The following ZNF569 variants were observed in gnomAD, a reference collection of about 807,000 sequenced individuals.
ZNF569 encodes the protein DNA-binding protein.
ZNF569 carries 38 observed loss-of-function variants against 56.3 expected under a neutral mutation model. The observed-to-expected ratio is 0.68, with a 90% CI of 0.52 to 0.88. The LOEUF (loss-of-function observed/expected upper bound fraction) is 0.88, where lower values mean the gene tolerates loss of function less well. Ranked by LOEUF, ZNF569 falls within the 40% of genes least tolerant of loss-of-function variation. ZNF569 has a pLI of 0.00. For synonymous variants in ZNF569, 241 were observed against 262.9 expected (o/e 0.92, Z 0.81); for missense variants, 666 against 809.2 (o/e 0.82, Z 2.15).
At chr19:37,437,015 C>CAAAAAAAAAAAA (rs368735580) in intron 3 of ZNF569, among the ~76,000 whole-genome samples, 3 of 100,156 alleles carry the variant, frequency 3.0e-5, no homozygotes, top group Non-Finnish European at 4.4e-5. Context: ...CAAGACACAT[C>CAAAAAAAAAAAA]AAAAAAAAAA....
At chr19:37,444,577 T>C (rs1433228599) in intron 3 of ZNF569, among the ~76,000 whole-genome samples, 3 of 152,218 alleles carry the variant, frequency 2.0e-5, no homozygotes, top group Non-Finnish European at 4.4e-5. Context: ...AATGTTTTCA[T>C]TGACCTAGGT....
intron 3 of ZNF569, among the ~76,000 whole-genome samples, chr19:37,434,831 C>G (rs915041474): frequency 1.3e-5 from 2 of 152,184 alleles, no homozygotes; most frequent in Non-Finnish European, 2.9e-5. Context: ...AAATCCACCC[C>G]CTGCCCGCAA....
intron 2 of ZNF569, among the ~76,000 whole-genome samples, chr19:37,457,580 C>T (rs759234062): frequency 5.9e-5 from 9 of 151,672 alleles, no homozygotes; most frequent in Non-Finnish European, 1.2e-4. Context: ...AGCAAACTAT[C>T]GCAAGGACAG....
At chr19:37,464,255 T>C (rs962501153) in intron 2 of ZNF569, among the ~76,000 whole-genome samples, 8 of 152,148 alleles carry the variant, frequency 5.3e-5, no homozygotes, top group African/African-American at 1.9e-4. Flanking sequence ...AGTGGCGCAA[T>C]CTCAGCTCAA....
At chr19:37,469,075 C>G (rs538469933), upstream of ZNF569, 203 of 1,018,402 alleles carry the variant, frequency 2.0e-4, no homozygotes, top group Non-Finnish European at 2.3e-4. Context: ...TCCACACCAG[C>G]CCGTGTAGTG....
chr19:37,469,257 C>A, upstream of ZNF569: 1 of 1,393,574 alleles, frequency 7.2e-7, no homozygotes, highest in Non-Finnish European at 9.3e-7. Flanking sequence ...CACTGCGACG[C>A]CGCGACCTTT....
In ZNF569 at chr19:37,413,183, T is replaced by C; in HGVS notation, c.1475A>G (p.Lys492Arg). ...IAHEKIHSGE[K>R]PYECNECGKA... is the part of the protein sequence containing the mutation. ...ACCACATTCATTGCATTCATAGGGTTTCTCTCCAGAATGAATTTTTTCATG... is the reference window on the plus strand; with the variant it reads ...ACCACATTCATTGCATTCATAGGGTCTCTCTCCAGAATGAATTTTTTCATG... The change falls in exon 6 of 6, where the codon AAA becomes AGA. Residue 492 changes from lysine (K) to arginine (R), a missense_variant. By Grantham distance (26) the Lys-to-Arg change is conservative (BLOSUM62 2). Transcript: ENST00000316950. 22 of 1,606,642 alleles carry C rather than the reference T, an allele frequency of 1.4e-5. No individual in the cohort carries two copies. The highest frequency in any genetic ancestry group is 1.8e-5 in the Non-Finnish European group (21 of 1,177,580).
intron 3 of ZNF569, among the ~76,000 whole-genome samples, chr19:37,430,694 C>T (rs1468017031): frequency 6.6e-6 from 1 of 152,182 alleles, no homozygotes; most frequent in East Asian, 1.9e-4. Flanking sequence ...CACAAAAAAG[C>T]ACCTTCATCA....
chr19:37,467,910 T>G, upstream of ZNF569: 1 of 1,536,182 alleles, frequency 6.5e-7, no homozygotes, highest in Non-Finnish European at 8.7e-7. Context: ...TATTTGTTCT[T>G]TCTGGACTTC....
Position 37,425,968 on chromosome 19 carries a change from C to A in ZNF569, c.143-5G>T. ...CAGGTTTGGTGAACGGATAGCCTGTCAAAGGGAAGTTACATAGATTTGGGC... is the reference window on the plus strand; with the variant it reads ...CAGGTTTGGTGAACGGATAGCCTGTAAAAGGGAAGTTACATAGATTTGGGC... On this transcript the variant is annotated splice_region_variant and splice_polypyrimidine_tract_variant and intron_variant, in intron 4 of 5. Transcript: ENST00000316950. 1 of 1,613,532 alleles carries A rather than the reference C, an allele frequency of 6.2e-7. No individual in the cohort carries two copies. Among genetic ancestry groups the A allele is most frequent in the South Asian group, 1.1e-5 (1 of 90,998 alleles).
At chr19:37,457,644 A>C (rs2041694187) in intron 2 of ZNF569, among the ~76,000 whole-genome samples, 1 of 141,650 alleles carries the variant, frequency 7.1e-6, no homozygotes. Context: ...CAATGAGAAC[A>C]CTTGGACACA....
At chr19:37,464,271 G>A (rs753381559) in intron 2 of ZNF569, among the ~76,000 whole-genome samples, 5 of 152,022 alleles carry the variant, frequency 3.3e-5, no homozygotes, top group Non-Finnish European at 7.4e-5. Context: ...CTCAATGCAA[G>A]CTCCGCCTCC....
intron 3 of ZNF569, among the ~76,000 whole-genome samples, chr19:37,441,018 A>C (rs2041395616): frequency 6.6e-6 from 1 of 152,182 alleles, no homozygotes; most frequent in South Asian, 2.1e-4. Context: ...AAACACGTTT[A>C]ACCAGTATAC....
intron 3 of ZNF569, among the ~76,000 whole-genome samples, chr19:37,432,284 G>A (rs2041238681): frequency 6.6e-6 from 1 of 152,174 alleles, no homozygotes; most frequent in South Asian, 2.1e-4. Context: ...AGCCACAGGG[G>A]TGCTTGTGTC....
chr19:37,413,867 T>A lies in ZNF569; in HGVS notation c.791A>T (p.His264Leu). Residue 264 changes from histidine to leucine, a missense_variant, in exon 6 of 6, where the codon CAT becomes CTT. By Grantham distance (99) the His-to-Leu change is moderately conservative. Transcript: ENST00000316950. ...MSNLIRHQRI[H>L]TGEKPYACKE... ...ACATGCATAGGGCTTCTCTCCAGTA[T>A]GAATTCTTTGATGTCTAATGAGATT... The A allele has an allele frequency of 6.2e-7, 1 of 1,613,548 alleles. No homozygotes were observed. The highest frequency in any genetic ancestry group is 1.3e-5 in the African/African-American group (1 of 75,042).
At chr19:37,420,279 C>T (rs138318699) in intron 5 of ZNF569, among the ~76,000 whole-genome samples, 166 of 152,078 alleles carry the variant, frequency 1.1e-3, no homozygotes, top group African/African-American at 3.5e-3. Context: ...TGAGCCACTG[C>T]GCCGGCCCCA....
intron 2 of ZNF569, among the ~76,000 whole-genome samples, chr19:37,446,588 A>T (rs952832760): frequency 1.3e-5 from 2 of 150,446 alleles, no homozygotes; most frequent in Non-Finnish European, 3.0e-5. Flanking sequence ...CTGGATCCTT[A>T]TCTCTCACCT....
chr19:37,440,015 A>C (rs1243434923), intron 3 of ZNF569, among the ~76,000 whole-genome samples: 2 of 152,194 alleles, frequency 1.3e-5, no homozygotes, highest in African/African-American at 4.8e-5. Context: ...AGTCAACAAT[A>C]ATTTGTACAT....
At chr19:37,455,584 T>C in intron 2 of ZNF569, among the ~76,000 whole-genome samples, 1 of 152,196 alleles carries the variant, frequency 6.6e-6, no homozygotes, top group Non-Finnish European at 1.5e-5. Context: ...TTGAAAGCTC[T>C]ACACCTGGCA....
Sources: allele counts gnomAD v4.1 joint callset (sites outside exome capture counted in the v4.1 genomes callset), GRCh38; gene constraint gnomAD v4.1.1; transcripts MANE v1.5; gene names NCBI Gene and HGNC (gene_info 2026-07-23, HGNC 2026-07-21).